SMC2: variants seen among roughly 807,000 people sequenced by gnomAD.
The protein encoded by SMC2 is structural maintenance of chromosomes 2, also known as structural maintenance of chromosomes protein 2.
SMC2 carries 41 observed loss-of-function variants against 142.6 expected under a neutral mutation model. The ratio of observed to expected loss-of-function variants is 0.29; its 90% CI spans 0.22 to 0.37. The LOEUF (loss-of-function observed/expected upper bound fraction) is 0.37, where lower values mean the gene tolerates loss of function less well. SMC2 is among the 10% of genes least tolerant of loss of function. The probability of loss-of-function intolerance (pLI) is 1.00; values close to 1 mark genes in which losing one functional copy is unlikely to be tolerated. For missense variants in SMC2, 1,265 were observed against 1,373.7 expected (o/e 0.92, Z 1.25); for synonymous variants, 463 against 457.5 (o/e 1.01, Z -0.15).
chr9:104,105,037 C>T (rs763983111), intron 9 of SMC2, among the ~76,000 whole-genome samples: 1 of 152,206 alleles, frequency 6.6e-6, no homozygotes, highest in Non-Finnish European at 1.5e-5. Flanking sequence ...TATCTAGATA[C>T]AGCAGGAAGT....
intron 3 of SMC2, 34 bp from the exon 4 acceptor site, chr9:104,098,412 A>G (rs1162182334): frequency 6.5e-7 from 1 of 1,535,154 alleles, no homozygotes; most frequent in East Asian, 2.3e-5. Flanking sequence ...GTGTGCATGT[A>G]CATTAATATT....
chr9:104,114,050 G>A lies in SMC2; in HGVS notation c.1501G>A (p.Ala501Thr), dbSNP rs1471941160. 1 of 1,591,456 alleles carries A rather than the reference G, an allele frequency of 6.3e-7. No homozygotes were observed. The highest frequency in any genetic ancestry group is 8.5e-7 in the Non-Finnish European group (1 of 1,170,854). ...GAAAGAAACATATGAAGCTCTATTA[G>A]CCAGATTTCCCAATCTTCGATTTGC... ...RLKETYEALL[A>T]RFPNLRFAYK... is the part of the protein sequence containing the mutation. Residue 501 changes from alanine (A) to threonine (T), a missense_variant, in exon 12 of 25, where the codon GCC becomes ACC. Coordinates refer to ENST00000374793, the MANE Select transcript of SMC2 (RefSeq NM_006444.3).
chr9:104,123,605 G>A (rs1221546352), intron 17 of SMC2, among the ~76,000 whole-genome samples: 1 of 151,992 alleles, frequency 6.6e-6, no homozygotes, highest in African/African-American at 2.4e-5. Context: ...ATGTTCATTG[G>A]ACCTTTGGGT....
chr9:104,106,966 C>T (rs1470585029), intron 9 of SMC2, among the ~76,000 whole-genome samples: 1 of 152,090 alleles, frequency 6.6e-6, no homozygotes, highest in South Asian at 2.1e-4. Flanking sequence ...CAGTAAACCC[C>T]GCCATACTAT....
At chr9:104,096,826 G>C (rs548828991) in intron 3 of SMC2, among the ~76,000 whole-genome samples, 234 of 152,296 alleles carry the variant, frequency 1.5e-3, no homozygotes, top group African/African-American at 5.3e-3. Flanking sequence ...TTCACTTGAT[G>C]TTTGTTCCTA....
intron 9 of SMC2, among the ~76,000 whole-genome samples, 189 bp downstream of exon 9, chr9:104,102,762 G>A (rs1029715579): frequency 2.0e-5 from 3 of 152,224 alleles, no homozygotes; most frequent in African/African-American, 7.2e-5. Context: ...TCCATTGGGG[G>A]AAATGATAAT....
At chr9:104,106,425 G>A (rs779325077) in intron 9 of SMC2, among the ~76,000 whole-genome samples, 1 of 151,812 alleles carries the variant, frequency 6.6e-6, no homozygotes, top group Non-Finnish European at 1.5e-5. Context: ...TTTCACTCTT[G>A]TTGCCCAGGC....
chr9:104,101,921 C>T, intron 7 of SMC2, 39 bp from the exon 8 acceptor site: 2 of 1,268,334 alleles, frequency 1.6e-6, no homozygotes, highest in African/African-American at 1.5e-5. Flanking sequence ...TTTTTTAATA[C>T]AATTTTGAGT....
At chr9:104,123,534 A>G (rs1215893472) in intron 17 of SMC2, among the ~76,000 whole-genome samples, 4 of 152,180 alleles carry the variant, frequency 2.6e-5, no homozygotes, top group African/African-American at 9.7e-5. Context: ...AAAAGATAGC[A>G]TGCATTAGCA....
At chr9:104,103,734 T>G (rs940243397) in intron 9 of SMC2, among the ~76,000 whole-genome samples, 1 of 152,192 alleles carries the variant, frequency 6.6e-6, no homozygotes, top group Admixed American at 6.5e-5. Context: ...GCCTTTTCAC[T>G]GAAAAAAAAT....
intron 15 of SMC2, 24 bp from the exon 16 acceptor site, chr9:104,120,003 C>T (rs1406571596): frequency 6.2e-7 from 1 of 1,612,490 alleles, no homozygotes; most frequent in South Asian, 1.1e-5. Flanking sequence ...ATGTGGAAGA[C>T]CTGTTTCAAT....
chr9:104,129,713 T>G lies in SMC2; in HGVS notation c.2859T>G (p.Ser953Arg). Residue 953 changes from serine to arginine, a missense_variant, in exon 21 of 25, where the codon AGT (serine) becomes AGG (arginine). Physicochemically the swap from Ser to Arg is moderately radical, Grantham distance 110. Around this residue, in one of 4 missense-constraint regions of SMC2, gnomAD observed 898 missense variants for 904.2 expected, o/e 0.99. Coordinates refer to ENST00000374793, the MANE Select transcript of SMC2 (RefSeq NM_006444.3). Reference protein sequence around the residue: ...AERHLFGQPNSAYDFKTNNPK... With the variant: ...AERHLFGQPNRAYDFKTNNPK... ...GACACCTCTTTGGCCAACCCAATAG[T>G]GCCTATGATTTCAAAACTAACAACC... 2 of 1,613,982 alleles carry G rather than the reference T, an allele frequency of 1.2e-6. No individual in the cohort carries two copies. Among genetic ancestry groups the G allele is most frequent in the East Asian group, 2.2e-5 (1 of 44,846 alleles).
chr9:104,124,119 GTC>G (rs1206876525), intron 17 of SMC2, among the ~76,000 whole-genome samples: 1 of 152,134 alleles, frequency 6.6e-6, no homozygotes, highest in South Asian at 2.1e-4. Context: ...TTGAGACGGA[GTC>G]TCTCTCTGTC....
In SMC2 at chr9:104,113,309, G is replaced by A; in HGVS notation, c.1255-7G>A. 1 of 1,594,922 alleles carries A rather than the reference G, an allele frequency of 6.3e-7. No individual in the cohort carries two copies. The highest frequency in any genetic ancestry group is 8.5e-7 in the Non-Finnish European group (1 of 1,172,882). On this transcript the variant is annotated splice_region_variant and splice_polypyrimidine_tract_variant and intron_variant, in intron 10 of 24. Transcript: ENST00000374793. ...ATCCTATGGTCTGTTGCATTTTTCT[G>A]CCACAGGCTCAGATGAAGTTGAAGC...
At chr9:104,121,841 C>T (rs1172091731) in intron 16 of SMC2, among the ~76,000 whole-genome samples, 1 of 152,112 alleles carries the variant, frequency 6.6e-6, no homozygotes, top group East Asian at 1.9e-4. Context: ...AGTGCAGTGG[C>T]CCGATCTCGG....
intron 20 of SMC2, among the ~76,000 whole-genome samples, chr9:104,129,191 A>G (rs1410908442): frequency 6.6e-6 from 1 of 152,086 alleles, no homozygotes; most frequent in Non-Finnish European, 1.5e-5. Flanking sequence ...TATTCTTGTC[A>G]GTAATGAAAC....
intron 5 of SMC2, among the ~76,000 whole-genome samples, 164 bp downstream of exon 5, chr9:104,099,846 T>C (rs1251374003): frequency 1.3e-5 from 2 of 152,136 alleles, no homozygotes; most frequent in East Asian, 1.9e-4. Flanking sequence ...TGCCCAAATA[T>C]TAAAATTGAT....
rs758590987 is a variant in SMC2, at chr9:104,111,637, G to A, written c.1077G>A (p.Leu359=). Residue 359 remains leucine (L), a synonymous_variant, in exon 10 of 25, where the codon CTG becomes CTA. Transcript: ENST00000374793. ...AGGTTAAAAAGATAACAGATGGACT[G>A]CATGCCCTTCAAGAAGCAAGTAATA... ...EKEVKKITDG[L]HALQEASNKD... is the part of the protein sequence containing the mutation. 14 of 1,613,952 alleles carry A rather than the reference G, an allele frequency of 8.7e-6. No homozygotes were observed. Among genetic ancestry groups the A allele is most frequent in the Non-Finnish European group, 8.5e-6 (10 of 1,179,952 alleles).
At chr9:104,135,864 T>TCAGACAA (rs761718149) in intron 23 of SMC2, 1 of 518,762 alleles carries the variant, frequency 1.9e-6, no homozygotes, top group East Asian at 5.5e-5. Flanking sequence ...TGAATACTTT[T>TCAGACAA]CAGACAAAAA....
Sources: gnomAD v4.1 joint callset for allele counts (sites outside exome capture counted in the v4.1 genomes callset) on GRCh38, gnomAD v4.1.1 for gene constraint, gnomAD v4.1.1 regional missense constraint, MANE v1.5 for transcripts, NCBI Gene and HGNC (gene_info 2026-07-23, HGNC 2026-07-21) for gene names.